PINX1: variants seen among roughly 807,000 people sequenced by gnomAD.
The protein encoded by PINX1 is PIN2 (TERF1) interacting telomerase inhibitor 1, also known as PIN2/TERF1-interacting telomerase inhibitor 1.
In PINX1, 34 loss-of-function variants were observed where a neutral mutation model predicts 25.4. The observed-to-expected ratio is 1.34, with a 90% CI of 1.02 to 1.78. The LOEUF is 1.78. Ranked by LOEUF, PINX1 falls within the 40% of genes most tolerant of loss-of-function variation. PINX1 has a pLI of 0.00. For missense variants in PINX1, 592 were observed against 404.9 expected (o/e 1.46, Z -3.97); for synonymous variants, 197 against 147.7 (o/e 1.33, Z -2.42).
intron 5 of PINX1, among the ~76,000 whole-genome samples, chr8:10,824,087 A>G (rs970634247): frequency 1.3e-5 from 2 of 152,218 alleles, no homozygotes; most frequent in East Asian, 3.8e-4. Context: ...ATGCTGAAAA[A>G]GCAAAAGTTC....
At chr8:10,832,177 C>T (rs991490026) in intron 3 of PINX1, among the ~76,000 whole-genome samples, 1 of 152,100 alleles carries the variant, frequency 6.6e-6, no homozygotes. Flanking sequence ...TAATGACTTG[C>T]ATCAACTCCA....
chr8:10,771,780 G>A (rs540718562), intron 6 of PINX1, among the ~76,000 whole-genome samples: 5 of 152,320 alleles, frequency 3.3e-5, no homozygotes, highest in African/African-American at 1.2e-4. Context: ...TCAGCATTTT[G>A]AGTGCAGATT....
intron 6 of PINX1, among the ~76,000 whole-genome samples, chr8:10,802,330 C>T (rs1432842128): frequency 6.6e-6 from 1 of 152,142 alleles, no homozygotes; most frequent in Non-Finnish European, 1.5e-5. Context: ...GTCACTCATA[C>T]ACTGATACAC....
chr8:10,820,489 C>CT (rs1797835175), intron 5 of PINX1, among the ~76,000 whole-genome samples: 1 of 152,210 alleles, frequency 6.6e-6, no homozygotes, highest in Non-Finnish European at 1.5e-5. Context: ...AACCAGAACT[C>CT]TTGACATTCT....
At chr8:10,814,039 A>G (rs1797617629) in intron 6 of PINX1, among the ~76,000 whole-genome samples, 1 of 152,202 alleles carries the variant, frequency 6.6e-6, no homozygotes, top group Non-Finnish European at 1.5e-5. Flanking sequence ...AGGCCCCGGC[A>G]GGCACCGGTC....
At chr8:10,811,031 G>A (rs1473516470) in intron 6 of PINX1, among the ~76,000 whole-genome samples, 1 of 152,210 alleles carries the variant, frequency 6.6e-6, no homozygotes, top group Non-Finnish European at 1.5e-5. Context: ...GAGAGTGTTG[G>A]TGCTGACTGT....
At chr8:10,834,507 A>T in intron 2 of PINX1, 159 bp downstream of exon 2, 1 of 1,076,270 alleles carries the variant, frequency 9.3e-7, no homozygotes, top group Non-Finnish European at 1.3e-6. Flanking sequence ...GTCCAATCCT[A>T]ATTTATCATC....
At chr8:10,829,256 A>G (rs2129088838) in intron 4 of PINX1, among the ~76,000 whole-genome samples, 1 of 144,134 alleles carries the variant, frequency 6.9e-6, no homozygotes, top group African/African-American at 2.7e-5. Flanking sequence ...ACTGCACTCC[A>G]GCCTGGGCCA....
intron 6 of PINX1, among the ~76,000 whole-genome samples, chr8:10,799,586 G>A (rs1253452479): frequency 6.6e-6 from 1 of 152,196 alleles, no homozygotes; most frequent in African/African-American, 2.4e-5. Flanking sequence ...CTGACTGGGA[G>A]AAAGCATTCG....
At chr8:10,785,174 T>G (rs1314195929) in intron 6 of PINX1, among the ~76,000 whole-genome samples, 1 of 152,246 alleles carries the variant, frequency 6.6e-6, no homozygotes, top group Non-Finnish European at 1.5e-5. Context: ...CCAATGGAAT[T>G]ATATAAGATT....
intron 6 of PINX1, among the ~76,000 whole-genome samples, chr8:10,789,871 T>A (rs936376392): frequency 2.6e-5 from 4 of 152,320 alleles, no homozygotes; most frequent in Non-Finnish European, 5.9e-5. Context: ...TTCTTCCTAA[T>A]GTACTATGTA....
chr8:10,808,748 T>G (rs2129082414), intron 6 of PINX1, among the ~76,000 whole-genome samples: 1 of 152,296 alleles, frequency 6.6e-6, no homozygotes, highest in East Asian at 1.9e-4. Context: ...AATCTGATTT[T>G]CACCTATTGG....
intron 6 of PINX1, among the ~76,000 whole-genome samples, chr8:10,775,971 A>G (rs1053605208): frequency 2.6e-5 from 4 of 152,100 alleles, no homozygotes; most frequent in African/African-American, 9.7e-5. Context: ...CCTCCCCTCA[A>G]ATCCCCTTGT....
chr8:10,775,419 T>G, intron 6 of PINX1, among the ~76,000 whole-genome samples: 1 of 146,908 alleles, frequency 6.8e-6, no homozygotes, highest in East Asian at 2.0e-4. Context: ...GGTTTTTTTT[T>G]TTTTTTTTTT....
intron 5 of PINX1, among the ~76,000 whole-genome samples, chr8:10,821,262 G>A (rs1380966211): frequency 1.3e-5 from 2 of 152,232 alleles, no homozygotes; most frequent in Non-Finnish European, 1.5e-5. Context: ...TGACCCAGAA[G>A]GTTCTAGTTC....
chr8:10,822,812 G>A (rs1282390112), intron 5 of PINX1, among the ~76,000 whole-genome samples: 1 of 152,170 alleles, frequency 6.6e-6, no homozygotes, highest in Non-Finnish European at 1.5e-5. Flanking sequence ...GAGTTGAGCT[G>A]CCGAGAGTAA....
intron 6 of PINX1, among the ~76,000 whole-genome samples, chr8:10,808,841 A>G (rs1802537012): frequency 1.3e-5 from 2 of 152,328 alleles, no homozygotes; most frequent in South Asian, 4.1e-4. Flanking sequence ...AAACTCCTAT[A>G]TTTTTCTATC....
intron 6 of PINX1, among the ~76,000 whole-genome samples, chr8:10,767,009 G>A (rs116258289): frequency 3.3e-5 from 5 of 152,236 alleles, no homozygotes; most frequent in African/African-American, 1.2e-4. Flanking sequence ...CAGAGACTCT[G>A]GAAATAAGTC....
chr8:10,771,133 T>C (rs1386099801), intron 6 of PINX1: 1 of 152,248 alleles, frequency 6.6e-6, no homozygotes, highest in African/African-American at 2.4e-5. Context: ...CTGTACCTTT[T>C]CCAAACTTTT....
Sources: gnomAD v4.1 joint callset for allele counts (sites outside exome capture counted in the v4.1 genomes callset) on GRCh38, gnomAD v4.1.1 for gene constraint, MANE v1.5 for transcripts, NCBI Gene and HGNC (gene_info 2026-07-23, HGNC 2026-07-21) for gene names.